RNF185: variants seen among roughly 807,000 people sequenced by gnomAD.
RNF185 encodes E3 ubiquitin-protein ligase RNF185.
RNF185 carries 13 observed loss-of-function variants against 24.9 expected under a neutral mutation model. The observed-to-expected ratio is 0.52, with a 90% CI of 0.34 to 0.83. The LOEUF is 0.83. Ranked by LOEUF, RNF185 falls within the 40% of genes least tolerant of loss-of-function variation. RNF185 has a pLI of 0.01. For missense variants in RNF185, 184 were observed against 244.7 expected (o/e 0.75, Z 1.65); for synonymous variants, 79 against 90.3 (o/e 0.88, Z 0.71).
chr22:31,185,862 A>C (rs2147945147), intron 1 of RNF185, among the ~76,000 whole-genome samples: 1 of 152,266 alleles, frequency 6.6e-6, no homozygotes, highest in Non-Finnish European at 1.5e-5. Context: ...TTATACCAGC[A>C]TTTAGTGGCC....
At position 31,160,982 on chromosome 22, in the gene RNF185, G is replaced by T. The variant is rs567835067; in HGVS notation, c.-49+679G>T. Among the ~76,000 whole-genome samples the T allele has an allele frequency of 5.3e-5, 8 of 152,236 alleles. No homozygotes were observed. In the South Asian group the frequency reaches 1.7e-3, roughly 32 times the overall value. On this transcript the variant is annotated intron_variant, in intron 1 of 6. Coordinates refer to ENST00000326132, the MANE Select transcript of RNF185 (RefSeq NM_152267.4). ...TGTGAGCACTAGATATCCATTCTTC[G>T]CTTTGAGGCAGCTGGTGCCAGTTCA...
intron 4 of RNF185, among the ~76,000 whole-genome samples, chr22:31,196,605 T>G (rs1021420745): frequency 6.6e-6 from 1 of 152,196 alleles, no homozygotes; most frequent in Non-Finnish European, 1.5e-5. Flanking sequence ...GATTTGGGAT[T>G]TCTGTTATCT....
intron 1 of RNF185, among the ~76,000 whole-genome samples, chr22:31,168,052 G>A (rs543974601): frequency 4.4e-4 from 67 of 152,216 alleles, no homozygotes; most frequent in African/African-American, 1.3e-3. Flanking sequence ...TTTTCATCTT[G>A]CAAAAGTGAA....
Position 31,184,250 on chromosome 22 carries a change from G to A in RNF185, c.-48-2797G>A, listed in dbSNP as rs553982864. ...TCACCTCCCAGACGGGTGGCGGTGG[G>A]GCAGAGACACTCCTCAGTTCCCAGA... On this transcript the variant is annotated intron_variant, in intron 1 of 6. Coordinates refer to ENST00000326132, the MANE Select transcript of RNF185 (RefSeq NM_152267.4). 2.4e-4 allele frequency among the ~76,000 whole-genome samples: 36 copies of A among 151,242 alleles called. No individual in the cohort carries two copies. The East Asian group carries it at 6.8e-3, about 28-fold the overall frequency.
chr22:31,197,164 A>G (rs2048213942), intron 5 of RNF185, 174 bp downstream of exon 5: 1 of 815,226 alleles, frequency 1.2e-6, no homozygotes, highest in African/African-American at 1.7e-5. Flanking sequence ...AGAGGTAACC[A>G]CTGGAAACAT....
chr22:31,199,094 T>C (rs5753507), intron 5 of RNF185, among the ~76,000 whole-genome samples: 118,422 of 149,172 alleles, frequency 0.79, 47,921 homozygotes, highest in African/African-American at 0.95. Flanking sequence ...AGCAAGACTC[T>C]GTCTCAAAAA....
chr22:31,198,070 G>C (rs557484355), intron 5 of RNF185, among the ~76,000 whole-genome samples: 1 of 152,248 alleles, frequency 6.6e-6, no homozygotes, highest in Admixed American at 6.5e-5. Flanking sequence ...CCATTGCCAA[G>C]AGCCCAGAAC....
At chr22:31,166,837 A>G (rs1017773525) in intron 1 of RNF185, among the ~76,000 whole-genome samples, 2 of 151,948 alleles carry the variant, frequency 1.3e-5, no homozygotes, top group African/African-American at 4.8e-5. Flanking sequence ...TTTGGTAGAA[A>G]CGGGATTTCA....
intron 2 of RNF185, among the ~76,000 whole-genome samples, chr22:31,191,658 C>A (rs12484775): frequency 0.045 from 6,762 of 151,952 alleles, 557 homozygotes; most frequent in East Asian, 0.37. Context: ...CGGTGAAACC[C>A]CGTTTCTGCT....
chr22:31,197,002 T>C lies in RNF185; in HGVS notation c.363+12T>C. 6.2e-7 allele frequency: 1 copy of C among 1,613,638 alleles called. No individual in the cohort carries two copies. The highest frequency in any genetic ancestry group is 8.5e-7 in the Non-Finnish European group (1 of 1,179,630). Reference sequence around the variant, plus strand: ...CGGAGAATAGAGGGGTGAGGAACATTCTAGGAGAAGCTTCTACAAATGAGC... The same window carrying C: ...CGGAGAATAGAGGGGTGAGGAACATCCTAGGAGAAGCTTCTACAAATGAGC... On this transcript the variant is annotated intron_variant, in intron 5 of 6. Coordinates refer to ENST00000326132, the MANE Select transcript of RNF185 (RefSeq NM_152267.4).
At chr22:31,195,433 G>T in intron 3 of RNF185, 36 bp from the exon 4 acceptor site, 2 of 1,465,186 alleles carry the variant, frequency 1.4e-6, no homozygotes, top group Admixed American at 1.9e-5. Context: ...GGTGGGTCTT[G>T]GGCCATCCAC....
intron 5 of RNF185, among the ~76,000 whole-genome samples, chr22:31,200,508 A>AAACATG (rs2048251037): frequency 6.6e-6 from 1 of 152,262 alleles, no homozygotes; most frequent in African/African-American, 2.4e-5. Flanking sequence ...TGTAAAAATT[A>AAACATG]AACATGATTT....
At chr22:31,202,130 T>G (rs1033169034) in intron 6 of RNF185, among the ~76,000 whole-genome samples, 1 of 152,154 alleles carries the variant, frequency 6.6e-6, no homozygotes, top group Non-Finnish European at 1.5e-5. Context: ...AGAAGCAGCC[T>G]CAGCCCTGTG....
intron 1 of RNF185, among the ~76,000 whole-genome samples, chr22:31,185,251 C>T (rs2048087917): frequency 6.6e-6 from 1 of 152,078 alleles, no homozygotes; most frequent in Non-Finnish European, 1.5e-5. Flanking sequence ...GTGAGCTGGC[C>T]TCCTCTCTCT....
intron 1 of RNF185, among the ~76,000 whole-genome samples, chr22:31,162,256 A>C (rs1923626696): frequency 1.3e-5 from 2 of 152,190 alleles, no homozygotes; most frequent in African/African-American, 4.8e-5. Flanking sequence ...GTGTTTCCCA[A>C]GATTAAAAAA....
intron 2 of RNF185, among the ~76,000 whole-genome samples, chr22:31,189,797 T>C (rs1335764107): frequency 1.3e-5 from 2 of 151,956 alleles, no homozygotes; most frequent in African/African-American, 2.4e-5. Context: ...GTTTTCACCA[T>C]GTTGGCCAGG....
chr22:31,193,553 G>A (rs1466658516), intron 3 of RNF185, among the ~76,000 whole-genome samples: 2 of 152,112 alleles, frequency 1.3e-5, no homozygotes, highest in African/African-American at 4.8e-5. Context: ...CAGCACGTAG[G>A]GAGGCCAAGG....
chr22:31,168,002 C>G (rs897816938), intron 1 of RNF185, among the ~76,000 whole-genome samples: 1 of 152,120 alleles, frequency 6.6e-6, no homozygotes, highest in Admixed American at 6.6e-5. Context: ...TAAGTACATT[C>G]ATGTTCTAGA....
intron 1 of RNF185, among the ~76,000 whole-genome samples, chr22:31,168,603 A>G (rs765412217): frequency 9.2e-5 from 14 of 152,166 alleles, no homozygotes; most frequent in Non-Finnish European, 2.1e-4. Flanking sequence ...GCTGGATCAT[A>G]TGGTAGTTCA....
Sources: allele counts gnomAD v4.1 joint callset (sites outside exome capture counted in the v4.1 genomes callset), GRCh38; gene constraint gnomAD v4.1.1; transcripts MANE v1.5; gene names NCBI Gene and HGNC (gene_info 2026-07-23, HGNC 2026-07-21).